The following SRF variants were observed in gnomAD, a reference collection of about 807,000 sequenced individuals.
The protein encoded by SRF is serum response factor.
A neutral mutation model predicts 37.1 loss-of-function variants in SRF; 7 were observed. The observed-to-expected ratio is 0.19, with a 90% CI of 0.11 to 0.35. The LOEUF (loss-of-function observed/expected upper bound fraction) is 0.35, where lower values mean the gene tolerates loss of function less well. SRF is among the 10% of genes least tolerant of loss of function. The pLI is 1.00. For synonymous variants in SRF, 285 were observed against 310.1 expected, an observed-to-expected ratio of 0.92 and a Z score of 0.85; for missense variants, 395 against 694.4, an observed-to-expected ratio of 0.57 and a Z score of 4.85.
intron 4 of SRF, among the ~76,000 whole-genome samples, chr6:43,177,254 G>T (rs1285038843): frequency 1.1e-5 from 1 of 88,300 alleles, no homozygotes; most frequent in Admixed American, 1.2e-4. Flanking sequence ...TTGAGACGGA[G>T]TCTCGCTCTC....
rs763406737 is a variant in SRF at position 43,175,722 on chromosome 6, C to T, written c.797C>T (p.Ala266Val). The T allele has an allele frequency of 1.8e-5, 29 of 1,614,016 alleles. No individual in the cohort carries two copies. Among genetic ancestry groups the T allele is most frequent in the Admixed American group, 3.3e-5 (2 of 59,994 alleles). Reference protein sequence around the residue: ...SGETKDTLKPAFTVTNLPGTT... With the variant: ...SGETKDTLKPVFTVTNLPGTT... ...TGGGTATAGGACACACTGAAGCCGG[C>T]GTTCACAGTCACCAACCTGCCGGGT... The change falls in exon 3 of 7, where the codon GCG (alanine) becomes GTG (valine). Residue 266 changes from alanine (A) to valine (V), a missense_variant. Physicochemically the swap from Ala to Val is moderately conservative, Grantham distance 64. Coordinates refer to ENST00000265354, the MANE Select transcript of SRF (RefSeq NM_003131.4).
chr6:43,171,688 C>T lies in SRF; in HGVS notation c.32C>T (p.Ala11Val). 8.3e-7 allele frequency: 1 copy of T among 1,211,754 alleles called. No individual in the cohort carries two copies. Among genetic ancestry groups the T allele is most frequent in the South Asian group, 4.0e-5 (1 of 24,726 alleles). The allele number at this position is 1,211,754 out of a possible 1,614,324, so 75.1% of individuals were successfully genotyped here. The stretch of plus-strand genomic sequence containing the variant: ...CCGACCCAAGCTGGGGCCGCGGCGG[C>T]TCTGGGCCGGGGCTCGGCCCTGGGG... MLPTQAGAAA[A>V]LGRGSALGGS... Residue 11 changes from alanine (A) to valine (V), a missense_variant, in exon 1 of 7, where the codon GCT (alanine) becomes GTT (valine). Ala to Val is a moderately conservative substitution (Grantham distance 64, BLOSUM62 0). Around this residue, in one of 4 missense-constraint regions of SRF, gnomAD observed 134 missense variants for 204.5 expected, o/e 0.66. Coordinates refer to ENST00000265354, the MANE Select transcript of SRF (RefSeq NM_003131.4). The surrounding 1 kb of genome is among the most constrained non-coding windows in gnomAD (Gnocchi z 6.5).
rs777958010 is a variant in SRF at position 43,178,536 on chromosome 6, C to G, written c.1354+51C>G. The G allele has an allele frequency of 1.1e-6, 1 of 906,516 alleles. No individual in the cohort carries two copies. Among genetic ancestry groups the G allele is most frequent in the Admixed American group, 2.7e-5 (1 of 36,742 alleles). 56.2% of individuals were successfully genotyped at this position (906,516 alleles called of 1,614,324 possible). A position where few individuals can be genotyped will look rare whatever the true frequency, so the allele number is the denominator to read the frequency against. ...AAGGAGGACCGTTTCCTTCTTTATACACACACACACACACACATACACACA... is the reference window on the plus strand; with the variant it reads ...AAGGAGGACCGTTTCCTTCTTTATAGACACACACACACACACATACACACA... On this transcript the variant is annotated intron_variant, in intron 5 of 6. Transcript: ENST00000265354. This position sits in a 1 kb window ranked among gnomAD's most constrained non-coding sequence, Gnocchi z 4.3.
In SRF at chr6:43,179,064, T is replaced by C. The variant is rs1582257608; in HGVS notation, c.1432-31T>C. 1 of 1,612,484 alleles carries C rather than the reference T, an allele frequency of 6.2e-7. No homozygotes were observed. On this transcript the variant is annotated intron_variant, in intron 6 of 6. Coordinates refer to ENST00000265354, the MANE Select transcript of SRF (RefSeq NM_003131.4). This position sits in a 1 kb window ranked among gnomAD's most constrained non-coding sequence, Gnocchi z 5.3. ...GAGCCTGAACTGGCTGGCCAGTCCC[T>C]GCCCCTCCTCATACATCCCCTTCCC...
Position 43,171,968 on chromosome 6 carries a change from G to A in SRF, c.312G>A (p.Glu104=), listed in dbSNP as rs766247883. 1 of 1,531,758 alleles carries A rather than the reference G, an allele frequency of 6.5e-7. No individual in the cohort carries two copies. Among genetic ancestry groups the A allele is most frequent in the East Asian group, 2.5e-5 (1 of 40,532 alleles). The allele number at this position is 1,531,758 out of a possible 1,614,324, so 94.9% of individuals were successfully genotyped here. A position where few individuals can be genotyped will look rare whatever the true frequency, so the allele number is the denominator to read the frequency against. The stretch of plus-strand genomic sequence containing the variant: ...GCGGCCTGAAGCGGAGCCTGAGCGA[G>A]ATGGAGATCGGTATGGTGGTCGGTG... ...ERRGLKRSLS[E]MEIGMVVGGP... is the part of the protein sequence containing the mutation. Residue 104 remains glutamate, a synonymous_variant, in exon 1 of 7, where the codon GAG becomes GAA. Coordinates refer to ENST00000265354, the MANE Select transcript of SRF (RefSeq NM_003131.4). The surrounding 1 kb of genome is among the most constrained non-coding windows in gnomAD (Gnocchi z 6.5).
In SRF at chr6:43,180,793, GC is replaced by G. The variant is rs1438893815; in HGVS notation, c.*1604del. On this transcript the variant is annotated 3_prime_UTR_variant, in exon 7 of 7. Coordinates refer to ENST00000265354, the MANE Select transcript of SRF (RefSeq NM_003131.4). ...GACTGCCTTCAGTAGGAACAAGCTG[GC>G]TTCTGTGATTAGGTGAAGGGATGGG... is the stretch of plus-strand genomic sequence containing the variant. 6.6e-6 allele frequency: 1 copy of G among 152,328 alleles called. No individual in the cohort carries two copies. The highest frequency in any genetic ancestry group is 2.4e-5 in the African/African-American group (1 of 41,452). The allele number at this position is 152,328 out of a possible 1,614,324, so 9.4% of individuals were successfully genotyped here.
At position 43,176,012 on chromosome 6, in the gene SRF, A is replaced by G. The variant is rs982698956; in HGVS notation, c.1042+45A>G. On this transcript the variant is annotated intron_variant, in intron 3 of 6. Coordinates refer to ENST00000265354, the MANE Select transcript of SRF (RefSeq NM_003131.4). The surrounding 1 kb of genome is among the most constrained non-coding windows in gnomAD (Gnocchi z 4.0). ...GAGAGATTCGTCCTTCCTGGGGCAA[A>G]TCAAGCATGCTAAGAGTGTGTTTAG... 1 of 1,595,228 alleles carries G rather than the reference A, an allele frequency of 6.3e-7. No homozygotes were observed. Among genetic ancestry groups the G allele is most frequent in the Non-Finnish European group, 8.5e-7 (1 of 1,172,678 alleles).
Position 43,171,828 on chromosome 6 carries a change from C to T in SRF, c.172C>T (p.Arg58Trp), listed in dbSNP as rs927535383. 2.4e-6 allele frequency: 3 copies of T among 1,252,580 alleles called. No homozygotes were observed. Among genetic ancestry groups the T allele is most frequent in the African/African-American group, 1.6e-5 (1 of 64,080 alleles). The allele number at this position is 1,252,580 out of a possible 1,614,324, so 77.6% of individuals were successfully genotyped here. A position where few individuals can be genotyped will look rare whatever the true frequency, so the allele number is the denominator to read the frequency against. The change falls in exon 1 of 7, where the codon CGG becomes TGG. Residue 58 changes from arginine to tryptophan, a missense_variant. Around this residue, in one of 4 missense-constraint regions of SRF, gnomAD observed 134 missense variants for 204.5 expected, o/e 0.66. Coordinates refer to ENST00000265354, the MANE Select transcript of SRF (RefSeq NM_003131.4). This position sits in a 1 kb window ranked among gnomAD's most constrained non-coding sequence, Gnocchi z 6.5. Reference sequence around the variant, plus strand: ...GGGGCTCGGGCCCGGCCGCCTGGAGCGGGAGGCTGCGGCAGCGGCGGCAAC... The same window carrying T: ...GGGGCTCGGGCCCGGCCGCCTGGAGTGGGAGGCTGCGGCAGCGGCGGCAAC... ...GAGLGPGRLEREAAAAAATTP... is the reference protein window; with the variant it reads ...GAGLGPGRLEWEAAAAAATTP...
Position 43,172,176 on chromosome 6 carries a change from A to C in SRF, c.513+7A>C. On this transcript the variant is annotated splice_region_variant and intron_variant, in intron 1 of 6. Coordinates refer to ENST00000265354, the MANE Select transcript of SRF (RefSeq NM_003131.4). The surrounding 1 kb of genome is among the most constrained non-coding windows in gnomAD (Gnocchi z 5.7). ...GACGGGCATCATGAAGAAGGTACCA[A>C]GCCGGGGGGCTGGCCGGCCCCGGGG... 6.2e-7 allele frequency: 1 copy of C among 1,607,378 alleles called. No homozygotes were observed. Among genetic ancestry groups the C allele is most frequent in the Non-Finnish European group, 8.5e-7 (1 of 1,178,928 alleles).
Position 43,171,714 on chromosome 6 carries a change from G to A in SRF, c.58G>A (p.Gly20Ser). 1 of 1,205,890 alleles carries A rather than the reference G, an allele frequency of 8.3e-7. No homozygotes were observed. The highest frequency in any genetic ancestry group is 1.0e-6 in the Non-Finnish European group (1 of 970,552). 74.7% of individuals were successfully genotyped at this position (1,205,890 alleles called of 1,614,324 possible). Reference protein sequence around the residue: ...AALGRGSALGGSLNRTPTGRP... With the variant: ...AALGRGSALGSSLNRTPTGRP... ...TCTGGGCCGGGGCTCGGCCCTGGGG[G>A]GCAGCCTGAACCGGACCCCGACGGG... Residue 20 changes from glycine (G) to serine (S), a missense_variant, in exon 1 of 7, where the codon GGC (glycine) becomes AGC (serine). Physicochemically the swap from Gly to Ser is moderately conservative, Grantham distance 56. Around this residue, in one of 4 missense-constraint regions of SRF, gnomAD observed 134 missense variants for 204.5 expected, o/e 0.66. Coordinates refer to ENST00000265354, the MANE Select transcript of SRF (RefSeq NM_003131.4). The surrounding 1 kb of genome is among the most constrained non-coding windows in gnomAD (Gnocchi z 6.5).
chr6:43,176,612 G>A lies in SRF; in HGVS notation c.1107G>A (p.Ala369=), dbSNP rs145981327. 3.4e-5 allele frequency: 55 copies of A among 1,614,016 alleles called. No homozygotes were observed. Among genetic ancestry groups the A allele is most frequent in the East Asian group, 2.9e-4 (13 of 44,890 alleles). The part of the protein sequence containing the change: ...AIQVHQAPQQ[A]SPSRDSSTDL... ...AAGTGCACCAGGCCCCACAGCAAGC[G>A]TCTCCCTCCCGTGACAGCAGCACAG... The change falls in exon 4 of 7, where the codon GCG becomes GCA. Residue 369 remains alanine (A), a synonymous_variant. Coordinates refer to ENST00000265354, the MANE Select transcript of SRF (RefSeq NM_003131.4). This position sits in a 1 kb window ranked among gnomAD's most constrained non-coding sequence, Gnocchi z 4.0.
chr6:43,179,098 G>T lies in SRF; in HGVS notation c.1435G>T (p.Ala479Ser). 6.2e-7 allele frequency: 1 copy of T among 1,614,068 alleles called. No individual in the cohort carries two copies. The highest frequency in any genetic ancestry group is 8.5e-7 in the Non-Finnish European group (1 of 1,179,928). Residue 479 changes from alanine (A) to serine (S), a missense_variant, in exon 7 of 7, where the codon GCT becomes TCT. Around this residue, in one of 4 missense-constraint regions of SRF, gnomAD observed 232 missense variants for 335.6 expected, o/e 0.69. Transcript: ENST00000265354. The surrounding 1 kb of genome is among the most constrained non-coding windows in gnomAD (Gnocchi z 5.3). ...PVSAVQLHQM[A>S]VIGQQAGSSS... ...TCATACATCCCCTTCCCTCCAGATG[G>T]CTGTGATAGGGCAGCAGGCCGGGAG... is the stretch of plus-strand genomic sequence containing the variant.
chr6:43,176,590 T>C lies in SRF; in HGVS notation c.1085T>C (p.Val362Ala). 1.2e-6 allele frequency: 2 copies of C among 1,614,108 alleles called. No individual in the cohort carries two copies. Among genetic ancestry groups the C allele is most frequent in the Non-Finnish European group, 1.7e-6 (2 of 1,180,004 alleles). The change falls in exon 4 of 7, where the codon GTG (valine) becomes GCG (alanine). Residue 362 changes from valine (V) to alanine (A), a missense_variant. This residue lies in a region of SRF where 232 missense variants were observed against 335.6 expected (regional missense o/e 0.69). Transcript: ENST00000265354. The surrounding 1 kb of genome is among the most constrained non-coding windows in gnomAD (Gnocchi z 4.0). ...AQQVPVQAIQ[V>A]HQAPQQASPS... ...CAGGTCCCAGTGCAGGCCATTCAAG[T>C]GCACCAGGCCCCACAGCAAGCGTCT...
chr6:43,174,517 G>T (rs1282025786), intron 2 of SRF, among the ~76,000 whole-genome samples: 2 of 152,248 alleles, frequency 1.3e-5, no homozygotes, highest in African/African-American at 4.8e-5. Context: ...AGGCGGGCTG[G>T]TTGACTGGGC....
rs1180241456 is a variant in SRF at position 43,172,224 on chromosome 6, A to T, written c.513+55A>T. On this transcript the variant is annotated intron_variant, in intron 1 of 6. Transcript: ENST00000265354. The surrounding 1 kb of genome is among the most constrained non-coding windows in gnomAD (Gnocchi z 5.7). The stretch of plus-strand genomic sequence containing the variant: ...GGGCCCGGTTGGGGTGGGGATGTGC[A>T]AAGGGAGCCCGGGAGGACCGCAGAG... 3.2e-6 allele frequency: 5 copies of T among 1,574,022 alleles called. 1 individual carries two copies. Among genetic ancestry groups the T allele is most frequent in the Admixed American group, 1.9e-5 (1 of 53,778 alleles).
In SRF at chr6:43,176,037, G is replaced by A. The variant is rs571386276; in HGVS notation, c.1042+70G>A. The A allele has an allele frequency of 1.3e-6, 2 of 1,563,496 alleles. No individual in the cohort carries two copies. The highest frequency in any genetic ancestry group is 1.1e-5 in the South Asian group (1 of 87,608). On this transcript the variant is annotated intron_variant, in intron 3 of 6. Transcript: ENST00000265354. The surrounding 1 kb of genome is among the most constrained non-coding windows in gnomAD (Gnocchi z 4.0). ...ATCAAGCATGCTAAGAGTGTGTTTAGGGCTGGCACCAAGAGAACCTCTTTC... is the reference window on the plus strand; with the variant it reads ...ATCAAGCATGCTAAGAGTGTGTTTAAGGCTGGCACCAAGAGAACCTCTTTC...
At position 43,172,890 on chromosome 6, in the gene SRF, CAGGG is replaced by C. The variant is rs1252586943; in HGVS notation, c.513+725_513+728del. Among the ~76,000 whole-genome samples the C allele has an allele frequency of 6.6e-6, 1 of 152,090 alleles. No individual in the cohort carries two copies. Among genetic ancestry groups the C allele is most frequent in the Non-Finnish European group, 1.5e-5 (1 of 68,020 alleles). ...TGCTTGGATGGGGTTTGGGGGAAGT[CAGGG>C]AGGCTTGCAGAGGTACCTAGGAATT... On this transcript the variant is annotated intron_variant, in intron 1 of 6. Transcript: ENST00000265354. The surrounding 1 kb of genome is among the most constrained non-coding windows in gnomAD (Gnocchi z 5.7).
At position 43,178,367 on chromosome 6, in the gene SRF, G is replaced by T. The variant is rs140883192; in HGVS notation, c.1236G>T (p.Pro412=). Residue 412 remains proline, a synonymous_variant, in exon 5 of 7, where the codon CCG becomes CCT. Coordinates refer to ENST00000265354, the MANE Select transcript of SRF (RefSeq NM_003131.4). This position sits in a 1 kb window ranked among gnomAD's most constrained non-coding sequence, Gnocchi z 4.3. ...TVGGHMMYPS[P]HAVMYAPTSG... ...GTGGCCACATGATGTACCCTAGCCC[G>T]CATGCGGTGATGTATGCCCCCACCT... The T allele has an allele frequency of 8.2e-4, 1,320 of 1,613,960 alleles. 4 individuals carry two copies. The African/African-American group carries it at 0.015, about 18-fold the overall frequency.
rs1371534051 is a variant in SRF at position 43,181,006 on chromosome 6, A to C, written c.*1816A>C. 2.0e-5 allele frequency: 3 copies of C among 152,586 alleles called. No homozygotes were observed. Among genetic ancestry groups the C allele is most frequent in the Non-Finnish European group, 4.4e-5 (3 of 68,050 alleles). The allele number at this position is 152,586 out of a possible 1,614,324, so 9.5% of individuals were successfully genotyped here. On this transcript the variant is annotated 3_prime_UTR_variant, in exon 7 of 7. Coordinates refer to ENST00000265354, the MANE Select transcript of SRF (RefSeq NM_003131.4). ...TGGCTTTCAAGGCTGGGGCATGGCAAATCAGGGGCCAGAGAGCAGGGGAGC... is the reference window on the plus strand; with the variant it reads ...TGGCTTTCAAGGCTGGGGCATGGCACATCAGGGGCCAGAGAGCAGGGGAGC...
Sources: gnomAD v4.1 joint callset for allele counts (sites outside exome capture counted in the v4.1 genomes callset) on GRCh38, gnomAD v4.1.1 for gene constraint, gnomAD v4.1.1 regional missense constraint, Gnocchi (gnomAD v3.1) non-coding constraint, MANE v1.5 for transcripts, NCBI Gene and HGNC (gene_info 2026-07-23, HGNC 2026-07-21) for gene names.